Variants in TSPAN2 observed in about 807,000 individuals in gnomAD.
TSPAN2 encodes the protein tetraspanin 2, also known as tetraspanin-2.
Under a neutral mutation model 33.3 loss-of-function variants are expected in TSPAN2, and 24 were observed. The ratio of observed to expected loss-of-function variants is 0.72; its 90% CI spans 0.52 to 1.01. TSPAN2 has a LOEUF of 1.01. TSPAN2 is among the 50% of genes least tolerant of loss of function. The pLI is 0.00. For missense variants in TSPAN2, 278 were observed against 281.3 expected (o/e 0.99, Z 0.08); for synonymous variants, 114 against 104.5 (o/e 1.09, Z -0.56).
chr1:115,052,381 C>A (rs1033722705), intron 7 of TSPAN2, among the ~76,000 whole-genome samples: 2 of 152,206 alleles, frequency 1.3e-5, no homozygotes, highest in African/African-American at 4.8e-5. Flanking sequence ...TAAGTGCCAT[C>A]TTAGCATTAG....
At chr1:115,074,928 C>G (rs918173057) in intron 1 of TSPAN2, among the ~76,000 whole-genome samples, 4 of 152,042 alleles carry the variant, frequency 2.6e-5, no homozygotes, top group African/African-American at 7.2e-5. Context: ...CAAAGCCTCA[C>G]AGGCAACCCT....
intron 1 of TSPAN2, among the ~76,000 whole-genome samples, chr1:115,084,920 A>G (rs1279693600): frequency 2.6e-5 from 4 of 152,208 alleles, no homozygotes; most frequent in Non-Finnish European, 4.4e-5. Context: ...GACTTGCCAT[A>G]TATGGAATCT....
Position 115,050,499 on chromosome 1 carries a change from AT to A in TSPAN2, c.656del (p.Asp219ValfsTer2). ...TCATGTAGAAGTAGCTTCATATCAC[AT>A]CTCGTGAGTTTCGTATCGCACAGCA... The part of the protein sequence containing the change: ...VLCCAIRNSR[D>X]VI On this transcript the variant is annotated frameshift_variant, in exon 8 of 8. Coordinates refer to ENST00000369516, the MANE Select transcript of TSPAN2 (RefSeq NM_005725.6). LOFTEE classifies it high-confidence loss of function. 6.2e-7 allele frequency: 1 copy of A among 1,614,026 alleles called. No homozygotes were observed. Among genetic ancestry groups the A allele is most frequent in the Non-Finnish European group, 8.5e-7 (1 of 1,179,928 alleles).
intron 2 of TSPAN2, among the ~76,000 whole-genome samples, chr1:115,067,430 T>C (rs965612404): frequency 6.6e-6 from 1 of 152,156 alleles, no homozygotes; most frequent in Non-Finnish European, 1.5e-5. Context: ...TTAGCTGCAA[T>C]ATGGAAATGA....
At position 115,073,768 on chromosome 1, in the gene TSPAN2, A is replaced by G. The variant is rs1648286698; in HGVS notation, c.70-761T>C. Among the ~76,000 whole-genome samples the G allele has an allele frequency of 2.0e-5, 3 of 152,042 alleles. No homozygotes were observed. In the South Asian group the frequency reaches 6.2e-4, roughly 32 times the overall value. ...CTCATGGAGAGGCTGAGTGGCTGGCACAGGCAGTGGCTAGGCAGGCTGGCG... is the reference window on the plus strand; with the variant it reads ...CTCATGGAGAGGCTGAGTGGCTGGCGCAGGCAGTGGCTAGGCAGGCTGGCG... On this transcript the variant is annotated intron_variant, in intron 1 of 7. Coordinates refer to ENST00000369516, the MANE Select transcript of TSPAN2 (RefSeq NM_005725.6).
At chr1:115,059,115 T>G in intron 4 of TSPAN2, 134 bp from the exon 5 acceptor site, 1 of 722,082 alleles carries the variant, frequency 1.4e-6, no homozygotes, top group South Asian at 1.7e-5. Context: ...CAATGGACTT[T>G]GGGGACTCAG....
rs747292360 is a variant in TSPAN2 at position 115,057,598 on chromosome 1, C to T, written c.455G>A (p.Cys152Tyr). 1.2e-6 allele frequency: 2 copies of T among 1,614,106 alleles called. No individual in the cohort carries two copies. Among genetic ancestry groups the T allele is most frequent in the Admixed American group, 1.7e-5 (1 of 60,024 alleles). Residue 152 changes from cysteine to tyrosine, a missense_variant, in exon 6 of 8, where the codon TGT (cysteine) becomes TAT (tyrosine). Transcript: ENST00000369516. The part of the protein sequence containing the change: ...LITFHSTFQC[C>Y]GKESSEQVQP... ...GACCTGTTCGGAGCTTTCTTTTCCACAGCACTGAAACTAGAGAGTCAGAAA... is the reference window on the plus strand; with the variant it reads ...GACCTGTTCGGAGCTTTCTTTTCCATAGCACTGAAACTAGAGAGTCAGAAA...
chr1:115,054,145 A>G (rs1647294004), intron 6 of TSPAN2, among the ~76,000 whole-genome samples: 1 of 152,198 alleles, frequency 6.6e-6, no homozygotes. Context: ...TGTAACTATT[A>G]TTAGTTTCTC....
At chr1:115,057,694 G>C in intron 5 of TSPAN2, 86 bp from the exon 6 acceptor site, 1 of 1,319,294 alleles carries the variant, frequency 7.6e-7, no homozygotes, top group South Asian at 1.2e-5. Context: ...CTGGGGTGCC[G>C]AGGCGGCAAA....
chr1:115,086,090 G>A (rs1181951729), intron 1 of TSPAN2, among the ~76,000 whole-genome samples: 1 of 152,026 alleles, frequency 6.6e-6, no homozygotes, highest in East Asian at 1.9e-4. Context: ...AAGGAATCAG[G>A]AGAAAGAGAG....
intron 5 of TSPAN2, 102 bp from the exon 6 acceptor site, chr1:115,057,710 T>C: frequency 9.7e-7 from 1 of 1,032,028 alleles, no homozygotes; most frequent in Non-Finnish European, 1.5e-6. Context: ...GCAAAGCAGC[T>C]CCGAGGCCCA....
intron 6 of TSPAN2, 79 bp from the exon 7 acceptor site, chr1:115,053,541 C>CACAGAA: frequency 8.3e-7 from 1 of 1,204,358 alleles, no homozygotes; most frequent in Non-Finnish European, 1.2e-6. Flanking sequence ...CTTTCCATCT[C>CACAGAA]TACAGTTCAT....
Position 115,088,795 on chromosome 1 carries a change from A to T in TSPAN2, c.69+569T>A, listed in dbSNP as rs945867487. On this transcript the variant is annotated intron_variant, in intron 1 of 7. Transcript: ENST00000369516. ...CTCACCCAGGGGTACTCTTACCCTG[A>T]TGCCCAGAAAAAGGACGACGCCCCC... Among the ~76,000 whole-genome samples, 3 of 150,286 alleles carry T rather than the reference A, an allele frequency of 2.0e-5. No individual in the cohort carries two copies. The South Asian group carries it at 6.3e-4, about 32-fold the overall frequency.
At chr1:115,079,601 G>GA (rs34806809) in intron 1 of TSPAN2, among the ~76,000 whole-genome samples, 4 of 152,106 alleles carry the variant, frequency 2.6e-5, no homozygotes, top group Admixed American at 6.6e-5. Flanking sequence ...GGTTTTATCA[G>GA]AAAAAATACA....
chr1:115,053,352 A>C (rs1233492686), intron 7 of TSPAN2, 27 bp downstream of exon 7: 2 of 1,607,428 alleles, frequency 1.2e-6, no homozygotes, highest in African/African-American at 2.7e-5. Flanking sequence ...TAGAGGGCAA[A>C]AAGGGTAAGT....
At chr1:115,071,643 C>G (rs1197931222) in intron 2 of TSPAN2, among the ~76,000 whole-genome samples, 2 of 152,048 alleles carry the variant, frequency 1.3e-5, no homozygotes, top group Non-Finnish European at 2.9e-5. Flanking sequence ...GCATTTTTTC[C>G]TTTCTTAATG....
At chr1:115,078,964 A>G (rs1279459956) in intron 1 of TSPAN2, among the ~76,000 whole-genome samples, 1 of 152,240 alleles carries the variant, frequency 6.6e-6, no homozygotes, top group Non-Finnish European at 1.5e-5. Flanking sequence ...TGCCTCAGAA[A>G]CAGAAAACAA....
intron 2 of TSPAN2, among the ~76,000 whole-genome samples, chr1:115,065,617 A>G (rs911739516): frequency 6.6e-6 from 1 of 152,186 alleles, no homozygotes; most frequent in Non-Finnish European, 1.5e-5. Context: ...TTATTTATTA[A>G]TATCTTACTG....
intron 5 of TSPAN2, 117 bp from the exon 6 acceptor site, chr1:115,057,725 C>T: frequency 3.6e-6 from 3 of 837,502 alleles, no homozygotes; most frequent in Non-Finnish European, 6.1e-6. Context: ...GGCCCAGTCA[C>T]TGCAACCCAG....
Sources: gnomAD v4.1 joint callset for allele counts (sites outside exome capture counted in the v4.1 genomes callset) on GRCh38, gnomAD v4.1.1 for gene constraint, MANE v1.5 for transcripts, NCBI Gene and HGNC (gene_info 2026-07-23, HGNC 2026-07-21) for gene names.